Variants in UNC13C observed in about 807,000 individuals in gnomAD.
UNC13C encodes the protein protein unc-13 homolog C.
In UNC13C, 174 loss-of-function variants were observed where a neutral mutation model predicts 245.4. That is an observed-to-expected ratio of 0.71 (90% CI 0.63 to 0.80). The LOEUF (loss-of-function observed/expected upper bound fraction) is 0.80. Ranked by LOEUF, UNC13C falls within the 30% of genes least tolerant of loss-of-function variation. The probability of loss-of-function intolerance (pLI) is 0.00; values close to 1 mark genes in which losing one functional copy is unlikely to be tolerated. For synonymous variants in UNC13C, 992 were observed against 895.1 expected (o/e 1.11, Z -1.93); for missense variants, 2,829 against 2,602.9 (o/e 1.09, Z -1.89).
At chr15:54,083,348 T>A (rs1255844173) in intron 2 of UNC13C, among the ~76,000 whole-genome samples, 1 of 152,180 alleles carries the variant, frequency 6.6e-6, no homozygotes, top group Non-Finnish European at 1.5e-5. Flanking sequence ...GGGCACAGCC[T>A]CTTCCCTCAG....
chr15:54,120,770 C>T (rs890867577), intron 2 of UNC13C, among the ~76,000 whole-genome samples: 1 of 151,694 alleles, frequency 6.6e-6, no homozygotes, highest in Non-Finnish European at 1.5e-5. Context: ...AAAGTTGATT[C>T]CAACCCTCAT....
intron 1 of UNC13C, among the ~76,000 whole-genome samples, chr15:54,003,401 G>A (rs979545827): frequency 1.3e-5 from 2 of 152,196 alleles, no homozygotes; most frequent in African/African-American, 4.8e-5. Flanking sequence ...ATGTAGCTGG[G>A]AATGGGGTCG....
intron 19 of UNC13C, among the ~76,000 whole-genome samples, chr15:54,454,797 TATTTATTCATTCATTC>T (rs1891383234): frequency 9.4e-6 from 1 of 106,398 alleles, no homozygotes; most frequent in Admixed American, 9.0e-5. Context: ...TTTTAAATTT[TATTTATTCATTCATTC>T]ATTCATTCAT....
intron 4 of UNC13C, among the ~76,000 whole-genome samples, chr15:54,157,198 C>T (rs144067397): frequency 1.2e-3 from 187 of 152,260 alleles, no homozygotes; most frequent in African/African-American, 4.5e-3. Flanking sequence ...GGAACATTCC[C>T]ACATTGCTTC....
chr15:54,005,664 T>C (rs1319218405), intron 1 of UNC13C, among the ~76,000 whole-genome samples: 1 of 152,192 alleles, frequency 6.6e-6, no homozygotes, highest in African/African-American at 2.4e-5. Flanking sequence ...AGGACTATAA[T>C]GAAAAGAAAA....
intron 24 of UNC13C, among the ~76,000 whole-genome samples, chr15:54,521,681 A>G (rs2141132498): frequency 6.6e-6 from 1 of 152,368 alleles, no homozygotes. Flanking sequence ...AACACCTGAC[A>G]TGGTCTGGCA....
At chr15:54,312,294 T>C (rs909355602) in intron 13 of UNC13C, among the ~76,000 whole-genome samples, 1 of 151,750 alleles carries the variant, frequency 6.6e-6, no homozygotes, top group Admixed American at 6.6e-5. Context: ...AGGGTTTCTT[T>C]GAATACGTGT....
At chr15:54,345,449 G>T (rs983321483) in intron 17 of UNC13C, among the ~76,000 whole-genome samples, 1 of 152,092 alleles carries the variant, frequency 6.6e-6, no homozygotes, top group Non-Finnish European at 1.5e-5. Flanking sequence ...GTAAATGAAG[G>T]CCACTTCTAG....
the UNC13C span, among the ~76,000 whole-genome samples, chr15:53,890,832 T>G: frequency 6.6e-6 from 1 of 152,142 alleles, no homozygotes; most frequent in Non-Finnish European, 1.5e-5. Flanking sequence ...ATTCATTGAT[T>G]TTTTGATGGG....
intron 19 of UNC13C, among the ~76,000 whole-genome samples, chr15:54,486,250 AACACACACACACACACACAC>A (rs59221050): frequency 7.6e-6 from 1 of 131,996 alleles, no homozygotes; most frequent in African/African-American, 2.9e-5. Context: ...GATCTATTAA[AACACACACACACACACACAC>A]ACACACACAC....
At chr15:54,536,221 G>C (rs1262262086) in intron 26 of UNC13C, among the ~76,000 whole-genome samples, 1 of 151,856 alleles carries the variant, frequency 6.6e-6, no homozygotes, top group Non-Finnish European at 1.5e-5. Flanking sequence ...ACACAAACTG[G>C]AAAACCTAAA....
At chr15:54,118,152 T>G (rs545601594) in intron 2 of UNC13C, among the ~76,000 whole-genome samples, 96 of 152,254 alleles carry the variant, frequency 6.3e-4, no homozygotes, top group African/African-American at 2.3e-3. Context: ...CTTACGTGGT[T>G]CCATATAAAT....
chr15:53,965,644 C>A, the UNC13C span, among the ~76,000 whole-genome samples: 257 of 151,404 alleles, frequency 1.7e-3, no homozygotes, highest in Admixed American at 4.7e-3. Context: ...TATACATGTG[C>A]CATGTTGGTG....
chr15:54,380,212 A>G (rs1421126752), intron 17 of UNC13C, among the ~76,000 whole-genome samples: 1 of 147,938 alleles, frequency 6.8e-6, no homozygotes, highest in Non-Finnish European at 1.5e-5. Flanking sequence ...CAACTTTTTT[A>G]GGTTCCATAC....
chr15:54,242,441 A>G (rs2140846900), intron 7 of UNC13C, among the ~76,000 whole-genome samples: 1 of 152,266 alleles, frequency 6.6e-6, no homozygotes, highest in South Asian at 2.1e-4. Flanking sequence ...AATTGTTTAT[A>G]TAATTATATC....
At chr15:54,402,230 A>G (rs1262684092) in intron 18 of UNC13C, among the ~76,000 whole-genome samples, 2 of 152,170 alleles carry the variant, frequency 1.3e-5, no homozygotes, top group Non-Finnish European at 2.9e-5. Context: ...TAAAGATATA[A>G]AGTAAAATTT....
At chr15:54,362,701 A>G (rs1430888250) in intron 17 of UNC13C, among the ~76,000 whole-genome samples, 3 of 152,178 alleles carry the variant, frequency 2.0e-5, no homozygotes, top group Non-Finnish European at 2.9e-5. Context: ...AACATTCTGC[A>G]TTTAAACAAG....
At chr15:53,839,571 C>T in the UNC13C span, among the ~76,000 whole-genome samples, 2 of 151,916 alleles carry the variant, frequency 1.3e-5, no homozygotes, top group African/African-American at 2.4e-5. Flanking sequence ...TATATTTTAA[C>T]GTTGACTTCT....
intron 24 of UNC13C, 100 bp downstream of exon 24, chr15:54,511,930 TTAAC>T (rs1246254756): frequency 1.3e-6 from 1 of 773,000 alleles, no homozygotes; most frequent in Non-Finnish European, 2.2e-6. Context: ...TTTTACATGG[TTAAC>T]TAAGAACAGG....
Sources: gnomAD v4.1 joint callset for allele counts (sites outside exome capture counted in the v4.1 genomes callset) on GRCh38, gnomAD v4.1.1 for gene constraint, MANE v1.5 for transcripts, NCBI Gene and HGNC (gene_info 2026-07-23, HGNC 2026-07-21) for gene names.